SLC26A7: variants seen among roughly 807,000 people sequenced by gnomAD.
The protein encoded by SLC26A7 is solute carrier family 26 member 7, also known as anion exchange transporter.
In SLC26A7, 59 loss-of-function variants were observed where a neutral mutation model predicts 82.5. That is an observed-to-expected ratio of 0.72 (90% CI 0.58 to 0.89). The LOEUF (loss-of-function observed/expected upper bound fraction) is 0.89, where lower values mean the gene tolerates loss of function less well. Ranked by LOEUF, SLC26A7 falls within the 40% of genes least tolerant of loss-of-function variation. SLC26A7 has a pLI of 0.00. For synonymous variants in SLC26A7, 271 were observed against 274.3 expected, an observed-to-expected ratio of 0.99 and a Z score of 0.12; for missense variants, 820 against 793.0, an observed-to-expected ratio of 1.03 and a Z score of -0.41.
rs530916209 is a variant in SLC26A7 at position 91,374,428 on chromosome 8, T to G, written c.1675+4595T>G. 3.3e-5 allele frequency among the ~76,000 whole-genome samples: 5 copies of G among 152,044 alleles called. No homozygotes were observed. In the South Asian group the frequency reaches 1.0e-3, roughly 32 times the overall value. ...TCTTAGAGGTTTGTTATGTTGTATC[T>G]CTATACTGATTTGTTTCAAAAATAC... On this transcript the variant is annotated intron_variant, in intron 15 of 18. Coordinates refer to ENST00000276609, the MANE Select transcript of SLC26A7 (RefSeq NM_052832.4).
chr8:91,340,315 C>T, intron 7 of SLC26A7, 89 bp from the exon 8 acceptor site: 1 of 1,496,928 alleles, frequency 6.7e-7, no homozygotes, highest in Non-Finnish European at 9.1e-7. Context: ...ATGTAAACTT[C>T]AGAGTCATTG....
intron 15 of SLC26A7, among the ~76,000 whole-genome samples, chr8:91,385,340 A>G (rs1814772395): frequency 6.6e-6 from 1 of 152,234 alleles, no homozygotes; most frequent in South Asian, 2.1e-4. Context: ...ACAAGGTTAT[A>G]GCCATAAAAT....
chr8:91,305,382 C>G (rs976266524), intron 4 of SLC26A7, among the ~76,000 whole-genome samples: 1 of 152,146 alleles, frequency 6.6e-6, no homozygotes. Context: ...CTCAAGTGTG[C>G]AGACCTAGTC....
chr8:91,384,061 T>G (rs768002223), intron 15 of SLC26A7, among the ~76,000 whole-genome samples: 22 of 152,206 alleles, frequency 1.4e-4, no homozygotes, highest in Non-Finnish European at 3.1e-4. Flanking sequence ...GTTGCTGCTG[T>G]AATAAATTGC....
At chr8:91,390,839 A>G (rs1814946481) in intron 16 of SLC26A7, among the ~76,000 whole-genome samples, 1 of 151,972 alleles carries the variant, frequency 6.6e-6, no homozygotes, top group Admixed American at 6.6e-5. Context: ...CGGAGGGCTC[A>G]CCCCATTTGT....
chr8:91,239,468 ATATATG>A (rs1356751723), intron 2 of SLC26A7, among the ~76,000 whole-genome samples: 1 of 149,518 alleles, frequency 6.7e-6, no homozygotes, highest in Non-Finnish European at 1.5e-5. Flanking sequence ...ATATATGTGT[ATATATG>A]TATATATATG....
Position 91,393,930 on chromosome 8 carries a change from T to G in SLC26A7, c.1832-6T>G. On this transcript the variant is annotated splice_polypyrimidine_tract_variant and splice_region_variant and intron_variant, in intron 17 of 18. Transcript: ENST00000276609. ...GTATTCTTATATCACTTGTGCTTTC[T>G]TGAAGCTTCCTTGATAAAAGCAATG... is the stretch of plus-strand genomic sequence containing the variant. 6.2e-7 allele frequency: 1 copy of G among 1,613,348 alleles called. No homozygotes were observed. Among genetic ancestry groups the G allele is most frequent in the African/African-American group, 1.3e-5 (1 of 75,022 alleles).
chr8:91,304,906 C>T (rs1812261639), intron 4 of SLC26A7, among the ~76,000 whole-genome samples: 12 of 152,180 alleles, frequency 7.9e-5, no homozygotes, highest in Admixed American at 7.9e-4. Flanking sequence ...TGTATGACTC[C>T]TCTGTGTCTT....
At chr8:91,273,765 C>A (rs868544899) in intron 2 of SLC26A7, among the ~76,000 whole-genome samples, 1 of 152,104 alleles carries the variant, frequency 6.6e-6, no homozygotes, top group South Asian at 2.1e-4. Flanking sequence ...TCTTATCTTC[C>A]GATAACACTT....
chr8:91,364,406 G>A (rs961406211), intron 13 of SLC26A7, among the ~76,000 whole-genome samples: 3 of 152,096 alleles, frequency 2.0e-5, no homozygotes, highest in African/African-American at 2.4e-5. Flanking sequence ...AACCCTCTGC[G>A]GCACCCAAGG....
chr8:91,353,432 C>T lies in SLC26A7; in HGVS notation c.1314+436C>T, dbSNP rs185769661. On this transcript the variant is annotated intron_variant, in intron 11 of 18. Coordinates refer to ENST00000276609, the MANE Select transcript of SLC26A7 (RefSeq NM_052832.4). ...CCTCTTAATGGTGACCACTGTCATT[C>T]TAAATACAAAAGGTCTCATGAATTG... 2.0e-5 allele frequency among the ~76,000 whole-genome samples: 3 copies of T among 152,242 alleles called. No homozygotes were observed. In the East Asian group the frequency reaches 5.8e-4, roughly 29 times the overall value.
At chr8:91,379,445 T>C (rs991216140) in intron 15 of SLC26A7, among the ~76,000 whole-genome samples, 1 of 152,010 alleles carries the variant, frequency 6.6e-6, no homozygotes, top group African/African-American at 2.4e-5. Flanking sequence ...CACTGCAGTG[T>C]AGTATTGGAT....
chr8:91,394,636 T>C, intron 18 of SLC26A7: 1 of 1,136,612 alleles, frequency 8.8e-7, no homozygotes, highest in Non-Finnish European at 1.1e-6. Flanking sequence ...CCTCGCAGAG[T>C]CATCCCTATT....
At chr8:91,231,655 C>G (rs1469015608) in intron 2 of SLC26A7, among the ~76,000 whole-genome samples, 1 of 151,480 alleles carries the variant, frequency 6.6e-6, no homozygotes, top group Non-Finnish European at 1.5e-5. Context: ...TTTCAACTTG[C>G]AGCTTCTGGT....
intron 6 of SLC26A7, among the ~76,000 whole-genome samples, chr8:91,335,597 G>A (rs1813217873): frequency 6.6e-6 from 1 of 152,146 alleles, no homozygotes; most frequent in East Asian, 1.9e-4. Flanking sequence ...GATGAAGGCT[G>A]TTGAGCTGGT....
chr8:91,335,639 A>C (rs1164811010), intron 6 of SLC26A7, among the ~76,000 whole-genome samples: 1 of 152,186 alleles, frequency 6.6e-6, no homozygotes, highest in African/African-American at 2.4e-5. Flanking sequence ...CTGCAAAACC[A>C]GTTACGATTA....
intron 1 of SLC26A7, among the ~76,000 whole-genome samples, chr8:91,216,314 T>G (rs1810046933): frequency 6.6e-6 from 1 of 152,136 alleles, no homozygotes; most frequent in Admixed American, 6.6e-5. Flanking sequence ...GCCCATGCGA[T>G]GTCCTAATGA....
At chr8:91,248,215 G>T (rs973452616), upstream of SLC26A7, among the ~76,000 whole-genome samples, 3 of 152,030 alleles carry the variant, frequency 2.0e-5, no homozygotes, top group Non-Finnish European at 4.4e-5. Context: ...TATTTTGTAA[G>T]TATAAATAAA....
At chr8:91,333,519 A>C (rs7459480) in intron 5 of SLC26A7, among the ~76,000 whole-genome samples, 3 of 152,082 alleles carry the variant, frequency 2.0e-5, no homozygotes, top group African/African-American at 7.2e-5. Context: ...AGGTTTCTTC[A>C]TTTACCCCCT....
Sources: allele counts gnomAD v4.1 joint callset (sites outside exome capture counted in the v4.1 genomes callset), GRCh38; gene constraint gnomAD v4.1.1; transcripts MANE v1.5; gene names NCBI Gene and HGNC (gene_info 2026-07-23, HGNC 2026-07-21).